CLOCK: variants seen among roughly 807,000 people sequenced by gnomAD.
CLOCK encodes the protein clock circadian regulator.
A neutral mutation model predicts 118.4 loss-of-function variants in CLOCK; 43 were observed. The observed-to-expected ratio is 0.36, with a 90% CI of 0.28 to 0.47. The LOEUF (loss-of-function observed/expected upper bound fraction) is 0.47. Ranked by LOEUF, CLOCK falls within the 20% of genes least tolerant of loss-of-function variation. The pLI, the probability that CLOCK is intolerant of heterozygous loss-of-function variation, is 1.00. For synonymous variants in CLOCK, 326 were observed against 339.2 expected (o/e 0.96, Z 0.43); for missense variants, 846 against 999.9 (o/e 0.85, Z 2.08).
At chr4:55,468,840 T>A (rs376523669) in intron 8 of CLOCK, among the ~76,000 whole-genome samples, 1 of 152,298 alleles carries the variant, frequency 6.6e-6, no homozygotes, top group South Asian at 2.1e-4. Context: ...TTGGTCAACA[T>A]TGGACTGCAT....
chr4:55,533,535 T>C (rs1730689103), intron 1 of CLOCK, among the ~76,000 whole-genome samples: 1 of 152,226 alleles, frequency 6.6e-6, no homozygotes, highest in Non-Finnish European at 1.5e-5. Context: ...CATATTAGAA[T>C]ATTTTTCTGC....
At chr4:55,542,822 T>C (rs763194092) in intron 1 of CLOCK, among the ~76,000 whole-genome samples, 9 of 152,092 alleles carry the variant, frequency 5.9e-5, no homozygotes, top group African/African-American at 1.2e-4. Flanking sequence ...CGTAGGAGTC[T>C]GCAAGCAAGT....
rs528733385 is a variant in CLOCK at position 55,428,590 on chromosome 4, C to T, written c.*6825G>A. ...TATTCTTATCTCAAGATCAATTAGC[C>T]GTTTTTAGCTCCACCGTTTTGGAAG... On this transcript the variant is annotated 3_prime_UTR_variant, in exon 23 of 23. Coordinates refer to ENST00000513440, the MANE Select transcript of CLOCK (RefSeq NM_004898.4). The T allele has an allele frequency of 2.6e-5, 4 of 152,120 alleles. No homozygotes were observed. The highest frequency in any genetic ancestry group is 2.1e-4 in the South Asian group (1 of 4,816). 9.4% of individuals were successfully genotyped at this position (152,120 alleles called of 1,614,324 possible).
chr4:55,527,050 A>C (rs963744658), intron 1 of CLOCK, among the ~76,000 whole-genome samples: 14 of 152,140 alleles, frequency 9.2e-5, no homozygotes, highest in African/African-American at 3.1e-4. Flanking sequence ...ACATGAATAC[A>C]AGAAAGTAAT....
rs147506592 is a variant in CLOCK at position 55,434,187 on chromosome 4, T to C, written c.*1228A>G. On this transcript the variant is annotated 3_prime_UTR_variant, in exon 23 of 23. Transcript: ENST00000513440. ...ACAATGACTTCAAGATGGTGAGTTA[T>C]CACCTGAATTAAAATCAAGGCACTA... 1.3e-5 allele frequency: 2 copies of C among 152,584 alleles called. No homozygotes were observed. Among genetic ancestry groups the C allele is most frequent in the Non-Finnish European group, 2.9e-5 (2 of 68,024 alleles). The allele number at this position is 152,584 out of a possible 1,614,324, so 9.5% of individuals were successfully genotyped here.
intron 8 of CLOCK, among the ~76,000 whole-genome samples, chr4:55,469,692 T>C (rs891741064): frequency 3.3e-5 from 5 of 152,276 alleles, no homozygotes; most frequent in Admixed American, 1.3e-4. Flanking sequence ...AAAGGAAATA[T>C]TTTTGTACAG....
At chr4:55,525,519 T>C (rs755227685) in intron 1 of CLOCK, among the ~76,000 whole-genome samples, 1 of 152,052 alleles carries the variant, frequency 6.6e-6, no homozygotes, top group Non-Finnish European at 1.5e-5. Flanking sequence ...ATTTTTTTTT[T>C]GAGACAGAGT....
At chr4:55,543,594 T>C (rs1731419269) in intron 1 of CLOCK, among the ~76,000 whole-genome samples, 1 of 152,106 alleles carries the variant, frequency 6.6e-6, no homozygotes, top group African/African-American at 2.4e-5. Flanking sequence ...TTGTCACTTA[T>C]TATATATACA....
chr4:55,518,317 G>T (rs1170143908), intron 1 of CLOCK, among the ~76,000 whole-genome samples: 2 of 152,138 alleles, frequency 1.3e-5, no homozygotes, highest in Non-Finnish European at 2.9e-5. Flanking sequence ...GAGGAGAGAG[G>T]ACGGGGAGAA....
intron 1 of CLOCK, among the ~76,000 whole-genome samples, chr4:55,537,609 A>C (rs1272185106): frequency 6.6e-6 from 1 of 151,826 alleles, no homozygotes; most frequent in Non-Finnish European, 1.5e-5. Flanking sequence ...ACGGAGTGAG[A>C]CCCAGTCTCA....
chr4:55,512,160 A>G (rs1289862266), intron 1 of CLOCK, among the ~76,000 whole-genome samples: 1 of 152,132 alleles, frequency 6.6e-6, no homozygotes, highest in African/African-American at 2.4e-5. Context: ...AGAACCTGCC[A>G]AACTGCCTTT....
chr4:55,480,384 C>T (rs1726835444), intron 4 of CLOCK, among the ~76,000 whole-genome samples: 1 of 152,180 alleles, frequency 6.6e-6, no homozygotes, highest in African/African-American at 2.4e-5. Flanking sequence ...CTTGCCTCAG[C>T]CTGCTGAGTA....
At chr4:55,521,817 A>G (rs1472539999) in intron 1 of CLOCK, among the ~76,000 whole-genome samples, 1 of 152,066 alleles carries the variant, frequency 6.6e-6, no homozygotes, top group Non-Finnish European at 1.5e-5. Flanking sequence ...GTATGCATAT[A>G]TGAGTGTGTA....
intron 1 of CLOCK, among the ~76,000 whole-genome samples, chr4:55,534,279 G>A (rs563233673): frequency 1.3e-5 from 2 of 152,132 alleles, no homozygotes; most frequent in East Asian, 3.9e-4. Flanking sequence ...CTAAATGTGA[G>A]AGAACATTTC....
chr4:55,473,835 C>A (rs933864917), intron 7 of CLOCK, among the ~76,000 whole-genome samples: 6 of 152,008 alleles, frequency 3.9e-5, no homozygotes, highest in Non-Finnish European at 8.8e-5. Context: ...GGTGATTCGC[C>A]CACATAAGGT....
At chr4:55,522,569 T>C (rs1411751070) in intron 1 of CLOCK, among the ~76,000 whole-genome samples, 1 of 151,558 alleles carries the variant, frequency 6.6e-6, no homozygotes, top group Non-Finnish European at 1.5e-5. Context: ...ATGAACAGAA[T>C]AAGTAGTTGG....
chr4:55,509,887 G>C (rs1729031907), intron 2 of CLOCK, 25 bp downstream of exon 2: 1 of 152,008 alleles, frequency 6.6e-6, no homozygotes, highest in African/African-American at 2.4e-5. Flanking sequence ...CCATGATTAA[G>C]GGAAAAGAAA....
At chr4:55,440,623 A>G (rs1314485410) in intron 21 of CLOCK, among the ~76,000 whole-genome samples, 1 of 152,246 alleles carries the variant, frequency 6.6e-6, no homozygotes, top group Non-Finnish European at 1.5e-5. Flanking sequence ...CCATATTAAG[A>G]AAGTCCAAAG....
In CLOCK at chr4:55,429,548, A is replaced by G. The variant is rs188713975; in HGVS notation, c.*5867T>C. On this transcript the variant is annotated 3_prime_UTR_variant, in exon 23 of 23. Coordinates refer to ENST00000513440, the MANE Select transcript of CLOCK (RefSeq NM_004898.4). ...CAGCAAACATTTTTTGTAGAAGTTTACAGCCTGTATACATTATTCCGCCAA... is the reference window on the plus strand; with the variant it reads ...CAGCAAACATTTTTTGTAGAAGTTTGCAGCCTGTATACATTATTCCGCCAA... 2.8e-4 allele frequency: 43 copies of G among 152,362 alleles called. No homozygotes were observed. Among genetic ancestry groups the G allele is most frequent in the Non-Finnish European group, 4.6e-4 (31 of 68,024 alleles). 9.4% of individuals were successfully genotyped at this position (152,362 alleles called of 1,614,324 possible).
Sources: allele counts gnomAD v4.1 joint callset (sites outside exome capture counted in the v4.1 genomes callset), GRCh38; gene constraint gnomAD v4.1.1; transcripts MANE v1.5; gene names NCBI Gene and HGNC (gene_info 2026-07-23, HGNC 2026-07-21).